Variants in TCF4 observed in about 807,000 individuals in gnomAD.
The protein encoded by TCF4 is SL3-3 enhancer factor 2.
In TCF4, 3 loss-of-function variants were observed where a neutral mutation model predicts 82.1. The ratio of observed to expected loss-of-function variants is 0.04; its 90% CI spans 0.02 to 0.09. The LOEUF is 0.09. Among genes scored for constraint, TCF4 ranks in the 10% least tolerant of loss-of-function variants. The pLI, the probability that TCF4 is intolerant of heterozygous loss-of-function variation, is 1.00. For synonymous variants in TCF4, 276 were observed against 309.6 expected, an observed-to-expected ratio of 0.89 and a Z score of 1.14; for missense variants, 518 against 852.7, an observed-to-expected ratio of 0.61 and a Z score of 4.89.
chr18:55,566,999 A>C (rs1373537437), intron 3 of TCF4, among the ~76,000 whole-genome samples: 1 of 152,044 alleles, frequency 6.6e-6, no homozygotes, highest in African/African-American at 2.4e-5. Context: ...AAGAATGGCA[A>C]TCAGAAAGAT....
At chr18:55,417,067 G>A (rs549788893) in intron 5 of TCF4, among the ~76,000 whole-genome samples, 215 of 152,344 alleles carry the variant, frequency 1.4e-3, no homozygotes, top group African/African-American at 4.7e-3. Context: ...CAGGCCCGAC[G>A]ACGGAAGAGG....
chr18:55,431,967 T>C (rs2095213064), intron 5 of TCF4, among the ~76,000 whole-genome samples: 1 of 152,054 alleles, frequency 6.6e-6, no homozygotes, highest in South Asian at 2.1e-4. Context: ...GTGAAAGTAA[T>C]AGCACAGTGC....
At chr18:55,257,685 A>G (rs1280460008) in intron 13 of TCF4, among the ~76,000 whole-genome samples, 1 of 152,200 alleles carries the variant, frequency 6.6e-6, no homozygotes, top group Non-Finnish European at 1.5e-5. Flanking sequence ...AAGAAAAACT[A>G]TCACCATGGA....
intron 6 of TCF4, among the ~76,000 whole-genome samples, chr18:55,402,641 A>G (rs1396317549): frequency 1.3e-5 from 2 of 152,216 alleles, no homozygotes; most frequent in Non-Finnish European, 2.9e-5. Flanking sequence ...TTTTTAAAAA[A>G]GATTTTAAAT....
intron 3 of TCF4, among the ~76,000 whole-genome samples, chr18:55,533,906 G>A (rs1362032339): frequency 6.6e-6 from 1 of 152,146 alleles, no homozygotes. Flanking sequence ...TCCACCCTGT[G>A]CCAGGCACTG....
intron 15 of TCF4, among the ~76,000 whole-genome samples, chr18:55,252,988 G>A (rs1381120232): frequency 6.6e-6 from 1 of 152,140 alleles, no homozygotes; most frequent in Non-Finnish European, 1.5e-5. Flanking sequence ...CTAAGCAACT[G>A]CCATGAACAT....
At chr18:55,269,431 A>T (rs2059877815) in intron 11 of TCF4, 1 of 297,124 alleles carries the variant, frequency 3.4e-6, no homozygotes, top group South Asian at 3.5e-5. Flanking sequence ...ATCATGGATA[A>T]GAGCCTAGCA....
intron 8 of TCF4, chr18:55,302,467 G>A (rs773306550): frequency 3.3e-6 from 5 of 1,536,178 alleles, no homozygotes; most frequent in Non-Finnish European, 4.4e-6. Flanking sequence ...CTGAGCATCT[G>A]CATTGTTTAA....
chr18:55,610,370 AT>A (rs1171663177), intron 2 of TCF4, among the ~76,000 whole-genome samples: 1 of 152,102 alleles, frequency 6.6e-6, no homozygotes, highest in Non-Finnish European at 1.5e-5. Context: ...ATTTCTGAGC[AT>A]TTTCAGTGCC....
intron 5 of TCF4, among the ~76,000 whole-genome samples, chr18:55,440,585 A>C (rs576371009): frequency 6.6e-6 from 1 of 152,260 alleles, no homozygotes; most frequent in African/African-American, 2.4e-5. Context: ...AGGCTTGACA[A>C]ACCACTTTTC....
chr18:55,491,636 C>T (rs943572475), intron 3 of TCF4, among the ~76,000 whole-genome samples: 4 of 152,198 alleles, frequency 2.6e-5, no homozygotes, highest in Middle Eastern at 3.4e-3. Context: ...TTTCACATAC[C>T]GCGCTCACAC....
intron 8 of TCF4, among the ~76,000 whole-genome samples, chr18:55,289,143 G>A (rs192671061): frequency 2.0e-5 from 3 of 152,242 alleles, no homozygotes; most frequent in Admixed American, 2.0e-4. Flanking sequence ...GTTACACCTG[G>A]CTAAAGATCT....
chr18:55,405,699 T>C (rs1000026293), intron 5 of TCF4, among the ~76,000 whole-genome samples: 3 of 151,428 alleles, frequency 2.0e-5, no homozygotes, highest in Admixed American at 6.6e-5. Flanking sequence ...AGAGAGAGAA[T>C]AAGTAGGAGA....
At chr18:55,405,740 G>C (rs992133336) in intron 5 of TCF4, among the ~76,000 whole-genome samples, 28 of 152,106 alleles carry the variant, frequency 1.8e-4, no homozygotes, top group African/African-American at 6.3e-4. Flanking sequence ...GGAATGCAAA[G>C]AGCAAGAGGT....
intron 3 of TCF4, among the ~76,000 whole-genome samples, chr18:55,538,860 G>C (rs1044537522): frequency 2.0e-5 from 3 of 152,038 alleles, no homozygotes; most frequent in African/African-American, 7.2e-5. Flanking sequence ...CGGTATTTCT[G>C]ACAGACATTC....
At chr18:55,381,059 A>G (rs915972576) in intron 6 of TCF4, among the ~76,000 whole-genome samples, 2 of 152,222 alleles carry the variant, frequency 1.3e-5, no homozygotes, top group Admixed American at 1.3e-4. Context: ...TTTTTAAATC[A>G]CATGTTAATT....
rs573600652 is a variant in TCF4, at chr18:55,552,178, GAGGTC to G, written c.145+33097_145+33101del. Among the ~76,000 whole-genome samples the G allele has an allele frequency of 1.6e-4, 24 of 152,272 alleles. No homozygotes were observed. In the South Asian group the frequency reaches 5.0e-3, roughly 32 times the overall value. ...TCTCCAACTACAGTGTATGCTTCAT[GAGGTC>G]AGGTACTAGTTCATGCCTATCTCTT... On this transcript the variant is annotated intron_variant, in intron 3 of 19. Transcript: ENST00000354452.
chr18:55,367,162 T>C (rs1021925658), intron 6 of TCF4, among the ~76,000 whole-genome samples: 3 of 152,202 alleles, frequency 2.0e-5, no homozygotes, highest in Non-Finnish European at 2.9e-5. Context: ...AGCACACAGC[T>C]CTAAAATTGT....
chr18:55,356,490 C>T (rs1209014920), intron 6 of TCF4, among the ~76,000 whole-genome samples: 3 of 152,132 alleles, frequency 2.0e-5, no homozygotes, highest in African/African-American at 7.2e-5. Context: ...TTTAATTTTG[C>T]TTTTGCACGC....
Sources: allele counts gnomAD v4.1 joint callset (sites outside exome capture counted in the v4.1 genomes callset), GRCh38; gene constraint gnomAD v4.1.1; transcripts MANE v1.5; gene names NCBI Gene and HGNC (gene_info 2026-07-23, HGNC 2026-07-21).